RNF40: variants seen among roughly 807,000 people sequenced by gnomAD.
The protein encoded by RNF40 is E3 ubiquitin-protein ligase BRE1B.
Under a neutral mutation model 123.3 loss-of-function variants are expected in RNF40, and 39 were observed. The observed-to-expected ratio is 0.32, with a 90% CI of 0.24 to 0.41. The LOEUF is 0.41. RNF40 is among the 10% of genes least tolerant of loss of function. RNF40 has a pLI of 1.00. For synonymous variants in RNF40, 538 were observed against 526.0 expected, an observed-to-expected ratio of 1.02 and a Z score of -0.31; for missense variants, 1,003 against 1,319.9, an observed-to-expected ratio of 0.76 and a Z score of 3.72.
rs1236345236 is a variant in RNF40 at position 30,766,906 on chromosome 16, G to C, written c.1429+30G>C. On this transcript the variant is annotated intron_variant, in intron 11 of 19. Transcript: ENST00000324685. The surrounding 1 kb of genome is among the most constrained non-coding windows in gnomAD (Gnocchi z 5.4). ...GTGGTGAGGATAGGGCGGAGGTGGG[G>C]CCTTATCTGGGAGTGCTGGGCCCTG... 6.2e-7 allele frequency: 1 copy of C among 1,606,364 alleles called. No individual in the cohort carries two copies. Among genetic ancestry groups the C allele is most frequent in the African/African-American group, 1.3e-5 (1 of 74,836 alleles).
chr16:30,767,998 C>A lies in RNF40; in HGVS notation c.1534C>A (p.Gln512Lys), dbSNP rs1378180691. The change falls in exon 12 of 20, where the codon CAA becomes AAA. Residue 512 changes from glutamine to lysine, a missense_variant. Physicochemically the swap from Gln to Lys is moderately conservative, Grantham distance 53. Transcript: ENST00000324685. ...QRYKRKLREV[Q>K]AEIGKLRAQA... ...ATACAAGCGGAAGCTTCGAGAAGTA[C>A]AAGCTGAGATTGGCAAGGTGAGAAG... 1 of 1,614,208 alleles carries A rather than the reference C, an allele frequency of 6.2e-7. No individual in the cohort carries two copies. Among genetic ancestry groups the A allele is most frequent in the Non-Finnish European group, 8.5e-7 (1 of 1,180,040 alleles).
intron 11 of RNF40, 94 bp from the exon 12 acceptor site, chr16:30,767,800 T>C: frequency 6.5e-7 from 1 of 1,537,226 alleles, no homozygotes; most frequent in Non-Finnish European, 9.0e-7. Flanking sequence ...TCCTGCACAG[T>C]GGGAGTGATG....
chr16:30,765,351 G>T (rs952124894), intron 7 of RNF40, 24 bp downstream of exon 7: 27 of 1,614,160 alleles, frequency 1.7e-5, no homozygotes, highest in Non-Finnish European at 2.3e-5. Flanking sequence ...GCTGGGGCAG[G>T]TGAGGCAAGG....
At chr16:30,771,764 G>A in intron 17 of RNF40, 69 bp from the exon 18 acceptor site, 1 of 1,488,862 alleles carries the variant, frequency 6.7e-7, no homozygotes, top group Non-Finnish European at 9.0e-7. Context: ...AGCATTGGTG[G>A]GCCGTGACTC....
At position 30,764,984 on chromosome 16, in the gene RNF40, G is replaced by C; in HGVS notation, c.696G>C (p.Glu232Asp). ...AGGCGGCTCAGGCACACACCCGAGA[G>C]CTGGGCCGTGAGAACCGGCGACTGC... ...LSEAAQAHTRELGRENRRLQD... is the reference protein window; with the variant it reads ...LSEAAQAHTRDLGRENRRLQD... The change falls in exon 6 of 20, where the codon GAG becomes GAC. Residue 232 changes from glutamate (E) to aspartate (D), a missense_variant. Glu to Asp is a conservative substitution (Grantham distance 45, BLOSUM62 2). Coordinates refer to ENST00000324685, the MANE Select transcript of RNF40 (RefSeq NM_014771.4). 6.2e-7 allele frequency: 1 copy of C among 1,613,356 alleles called. No homozygotes were observed. Among genetic ancestry groups the C allele is most frequent in the Non-Finnish European group, 8.5e-7 (1 of 1,180,024 alleles).
At position 30,763,503 on chromosome 16, in the gene RNF40, A is replaced by C; in HGVS notation, c.386A>C (p.Glu129Ala). Residue 129 changes from glutamate (E) to alanine (A), a missense_variant, in exon 4 of 20, where the codon GAG becomes GCG. Physicochemically the swap from Glu to Ala is moderately radical, Grantham distance 107. Coordinates refer to ENST00000324685, the MANE Select transcript of RNF40 (RefSeq NM_014771.4). Reference protein sequence around the residue: ...SSAPEAPGTQEGPTCDGTPLP... With the variant: ...SSAPEAPGTQAGPTCDGTPLP... ...GCGCCTGAGGCACCTGGGACCCAGG[A>C]GGGGCCAACATGTGATGGGACTCCT... is the stretch of plus-strand genomic sequence containing the variant. The C allele has an allele frequency of 1.2e-6, 2 of 1,614,094 alleles. No homozygotes were observed. Among genetic ancestry groups the C allele is most frequent in the Non-Finnish European group, 1.7e-6 (2 of 1,179,996 alleles).
intron 17 of RNF40, among the ~76,000 whole-genome samples, chr16:30,769,934 CAAA>C (rs2054116988): frequency 6.6e-6 from 1 of 151,774 alleles, no homozygotes; most frequent in South Asian, 2.1e-4. Flanking sequence ...CCCATCTCTA[CAAA>C]AAAATTTTAA....
At chr16:30,769,635 T>G (rs982974121) in intron 17 of RNF40, 35 bp downstream of exon 17, 32 of 1,494,780 alleles carry the variant, frequency 2.1e-5, no homozygotes, top group Non-Finnish European at 2.8e-5. Flanking sequence ...CAGCTTGGGC[T>G]GCTGGCTCAC....
intron 3 of RNF40, 56 bp downstream of exon 3, chr16:30,763,341 T>C: frequency 6.2e-7 from 1 of 1,609,372 alleles, no homozygotes; most frequent in Non-Finnish European, 8.5e-7. Flanking sequence ...AATCCCCAGA[T>C]TCCCCTGCTA....
At chr16:30,764,466 C>A in intron 5 of RNF40, 81 bp downstream of exon 5, 1 of 1,283,608 alleles carries the variant, frequency 7.8e-7, no homozygotes, top group Non-Finnish European at 1.1e-6. Context: ...TCCCCTAATG[C>A]CCGAGTCCAA....
Position 30,767,944 on chromosome 16 carries a change from A to C in RNF40, c.1480A>C (p.Asn494His). Residue 494 changes from asparagine to histidine, a missense_variant, in exon 12 of 20, where the codon AAC (asparagine) becomes CAC (histidine). Around this residue, in one of 11 missense-constraint regions of RNF40, gnomAD observed 30 missense variants for 68.9 expected, o/e 0.44. Transcript: ENST00000324685. ...CCTGATTAGTAGTCTTCAAAACCAC[A>C]ACCACCAGCTAAAAGGGGACGCCCA... ...RHLISSLQNH[N>H]HQLKGDAQRY... is the part of the protein sequence containing the mutation. 1 of 1,614,172 alleles carries C rather than the reference A, an allele frequency of 6.2e-7. No homozygotes were observed. The highest frequency in any genetic ancestry group is 8.5e-7 in the Non-Finnish European group (1 of 1,180,046).
Position 30,762,460 on chromosome 16 carries a change from C to G in RNF40, c.-71-15C>G. On this transcript the variant is annotated splice_polypyrimidine_tract_variant and intron_variant, in intron 1 of 19. Coordinates refer to ENST00000324685, the MANE Select transcript of RNF40 (RefSeq NM_014771.4). ...CACCAGCCGTTCCCACATCTCTGCT[C>G]TGTGTCTTCTGCAGGTGACGGAAGT... is the stretch of plus-strand genomic sequence containing the variant. The G allele has an allele frequency of 1.4e-6, 2 of 1,382,172 alleles. No homozygotes were observed. The highest frequency in any genetic ancestry group is 1.5e-5 in the African/African-American group (1 of 68,584). The allele number at this position is 1,382,172 out of a possible 1,614,324, so 85.6% of individuals were successfully genotyped here. A position where few individuals can be genotyped will look rare whatever the true frequency, so the allele number is the denominator to read the frequency against.
intron 17 of RNF40, among the ~76,000 whole-genome samples, chr16:30,769,903 G>T (rs1247874500): frequency 6.6e-6 from 1 of 152,060 alleles, no homozygotes; most frequent in Non-Finnish European, 1.5e-5. Context: ...TTGGAGACCA[G>T]CCTGGGCAAC....
chr16:30,761,660 T>C (rs2053818452), upstream of RNF40: 4 of 1,535,892 alleles, frequency 2.6e-6, no homozygotes, highest in South Asian at 1.2e-5. Context: ...GCTGCGATCC[T>C]TCCCCGCTTC....
At position 30,768,067 on chromosome 16, in the gene RNF40, A is replaced by G. The variant is rs753614728; in HGVS notation, c.1552-36A>G. The G allele has an allele frequency of 6.2e-7, 1 of 1,613,860 alleles. No homozygotes were observed. Among genetic ancestry groups the G allele is most frequent in the Non-Finnish European group, 8.5e-7 (1 of 1,179,800 alleles). ...GTTTGGCTAGACTCCAGTGAACACC[A>G]TCTGACTTCATCCCTCTTCCTCTCT... On this transcript the variant is annotated intron_variant, in intron 12 of 19. Transcript: ENST00000324685. The surrounding 1 kb of genome is among the most constrained non-coding windows in gnomAD (Gnocchi z 4.1).
intron 19 of RNF40, 119 bp downstream of exon 19, chr16:30,772,309 C>A: frequency 1.3e-6 from 1 of 796,430 alleles, no homozygotes; most frequent in Non-Finnish European, 2.2e-6. Flanking sequence ...AAGTGGGCAG[C>A]ACAGTGGTCA....
upstream of RNF40, chr16:30,761,800 C>G (rs1044421962): frequency 6.6e-5 from 96 of 1,445,452 alleles, no homozygotes; most frequent in Admixed American, 2.2e-4. Context: ...CGCCTAGGTT[C>G]CAGGACAGCC....
At chr16:30,762,199 C>G (rs1412551476), upstream of RNF40, 1 of 335,226 alleles carries the variant, frequency 3.0e-6, no homozygotes, top group Non-Finnish European at 5.4e-6. Flanking sequence ...CGGGACCAAG[C>G]GTAACCAATA....
intron 1 of RNF40, 43 bp downstream of exon 1, chr16:30,762,403 G>A: frequency 1.1e-6 from 1 of 870,710 alleles, no homozygotes; most frequent in South Asian, 2.0e-5. Context: ...CAGCAGGTGT[G>A]TGCAGGGTGG....
Sources: allele counts gnomAD v4.1 joint callset (sites outside exome capture counted in the v4.1 genomes callset), GRCh38; gene constraint gnomAD v4.1.1; regional missense constraint gnomAD v4.1.1; non-coding constraint Gnocchi (gnomAD v3.1); transcripts MANE v1.5; gene names NCBI Gene and HGNC (gene_info 2026-07-23, HGNC 2026-07-21).